The following PPFIA2 variants were observed in gnomAD, a reference collection of about 807,000 sequenced individuals.
PPFIA2 encodes PPFI scaffold protein A2.
PPFIA2 carries 46 observed loss-of-function variants against 175.5 expected under a neutral mutation model. The ratio of observed to expected loss-of-function variants is 0.26; its 90% CI spans 0.21 to 0.34. PPFIA2 has a LOEUF of 0.34. PPFIA2 is among the 10% of genes least tolerant of loss of function. PPFIA2 has a pLI of 1.00. For synonymous variants in PPFIA2, 568 were observed against 511.4 expected, an observed-to-expected ratio of 1.11 and a Z score of -1.49; for missense variants, 1,179 against 1,506.1, an observed-to-expected ratio of 0.78 and a Z score of 3.60.
At chr12:81,395,736 G>A (rs938481480) in intron 8 of PPFIA2, among the ~76,000 whole-genome samples, 4 of 152,022 alleles carry the variant, frequency 2.6e-5, no homozygotes, top group Non-Finnish European at 5.9e-5. Flanking sequence ...AGCTCCCAGA[G>A]ATTACCCAGG....
At position 81,442,131 on chromosome 12, in the gene PPFIA2, C is replaced by T. The variant is rs1045210555; in HGVS notation, c.571-2085G>A. Among the ~76,000 whole-genome samples, 14 of 151,750 alleles carry T rather than the reference C, an allele frequency of 9.2e-5. 1 individual carries two copies. In the South Asian group the frequency reaches 1.5e-3, roughly 16 times the overall value. ...TGAGTTTTTAAGGAGTAAAAGTTAT[C>T]GAATTTATCCAACAATATGAAAATG... is the stretch of plus-strand genomic sequence containing the variant. On this transcript the variant is annotated intron_variant, in intron 6 of 32. Transcript: ENST00000549396.
chr12:81,422,070 G>GTGTGTGTATATATATGTGTATATATA (rs1218748853), intron 7 of PPFIA2, among the ~76,000 whole-genome samples: 9 of 144,256 alleles, frequency 6.2e-5, no homozygotes, highest in Non-Finnish European at 1.1e-4. Context: ...ATATACGTGT[G>GTGTGTGTATATATATGTGTATATATA]TGTGTGTATA....
intron 5 of PPFIA2, among the ~76,000 whole-genome samples, chr12:81,454,784 G>T (rs569853605): frequency 1.3e-5 from 2 of 152,174 alleles, no homozygotes; most frequent in African/African-American, 4.8e-5. Flanking sequence ...GCCACAAGTT[G>T]ATCAGAACTT....
chr12:81,703,707 C>T (rs2076770822), intron 3 of PPFIA2, among the ~76,000 whole-genome samples: 1 of 152,030 alleles, frequency 6.6e-6, no homozygotes, highest in Admixed American at 6.6e-5. Flanking sequence ...CTTGGCTACA[C>T]CTCACCTCCA....
intron 9 of PPFIA2, among the ~76,000 whole-genome samples, chr12:81,379,266 G>GA (rs1212905768): frequency 1.3e-5 from 2 of 152,090 alleles, no homozygotes; most frequent in East Asian, 3.9e-4. Flanking sequence ...AAAAAAATGA[G>GA]AAAAAATAAA....
chr12:81,583,053 G>A (rs921193275), intron 4 of PPFIA2, among the ~76,000 whole-genome samples: 25 of 151,628 alleles, frequency 1.6e-4, no homozygotes, highest in African/African-American at 5.1e-4. Flanking sequence ...TTAATATTTC[G>A]TGGCATCTGC....
chr12:81,259,795 G>C (rs1488863319), intron 32 of PPFIA2, 135 bp from the exon 33 acceptor site: 3 of 657,512 alleles, frequency 4.6e-6, no homozygotes, highest in Non-Finnish European at 4.9e-6. Context: ...AAATCATCTA[G>C]GATGTAGCCA....
chr12:81,497,484 C>A (rs1425188176), intron 4 of PPFIA2, among the ~76,000 whole-genome samples: 1 of 150,558 alleles, frequency 6.6e-6, no homozygotes, highest in Non-Finnish European at 1.5e-5. Flanking sequence ...GGGTCTCCTG[C>A]CTTCCCCATG....
chr12:81,663,494 C>T (rs931582895), intron 4 of PPFIA2, among the ~76,000 whole-genome samples: 1 of 152,100 alleles, frequency 6.6e-6, no homozygotes, highest in African/African-American at 2.4e-5. Context: ...GATGGAAGGA[C>T]CTCTTCAAGG....
intron 6 of PPFIA2, 146 bp downstream of exon 6, chr12:81,445,410 C>T: frequency 1.4e-6 from 1 of 693,526 alleles, no homozygotes; most frequent in Admixed American, 3.3e-5. Flanking sequence ...TCCATTTTCA[C>T]TTTTAAAAAA....
intron 4 of PPFIA2, among the ~76,000 whole-genome samples, chr12:81,607,854 A>T (rs947020195): frequency 2.0e-5 from 3 of 151,964 alleles, no homozygotes; most frequent in South Asian, 2.1e-4. Flanking sequence ...GTGAGAATGG[A>T]CATCTTTGTC....
intron 4 of PPFIA2, among the ~76,000 whole-genome samples, chr12:81,628,376 CT>C (rs11304359): frequency 0.18 from 19,934 of 111,418 alleles, 890 homozygotes; most frequent in East Asian, 0.32. Flanking sequence ...TTTCTTTTAC[CT>C]TTTTTTTTTT....
intron 5 of PPFIA2, among the ~76,000 whole-genome samples, chr12:81,451,236 T>C (rs2052513559): frequency 6.6e-6 from 1 of 152,154 alleles, no homozygotes; most frequent in Non-Finnish European, 1.5e-5. Context: ...TTACCATCTT[T>C]TACCCATTAA....
Position 81,275,910 on chromosome 12 carries a change from G to A in PPFIA2, c.3310+1407C>T, listed in dbSNP as rs377589579. On this transcript the variant is annotated intron_variant, in intron 28 of 32. Transcript: ENST00000549396. ...CGCCATTCTCCTGCCTCAGCCTCCC[G>A]AGTAGCTGGGACTACAGGCGCCTGC... is the stretch of plus-strand genomic sequence containing the variant. Among the ~76,000 whole-genome samples the A allele has an allele frequency of 1.2e-3, 178 of 151,270 alleles. 1 individual carries two copies. In the East Asian group the frequency reaches 0.026, roughly 22 times the overall value.
intron 4 of PPFIA2, among the ~76,000 whole-genome samples, chr12:81,477,827 G>T (rs955599330): frequency 6.6e-6 from 1 of 151,780 alleles, no homozygotes; most frequent in Non-Finnish European, 1.5e-5. Flanking sequence ...GAGGATTTTC[G>T]CATTGATGTT....
Position 81,292,932 on chromosome 12 carries a change from G to A in PPFIA2, c.2925+1903C>T, listed in dbSNP as rs537204785. 3 of 151,908 alleles carry A rather than the reference G, an allele frequency of 2.0e-5. No homozygotes were observed. The South Asian group carries it at 6.2e-4, about 32-fold the overall frequency. 9.4% of individuals were successfully genotyped at this position (151,908 alleles called of 1,614,324 possible). A position where few individuals can be genotyped will look rare whatever the true frequency, so the allele number is the denominator to read the frequency against. On this transcript the variant is annotated intron_variant, in intron 24 of 32. Coordinates refer to ENST00000549396, the MANE Select transcript of PPFIA2 (RefSeq NM_003625.5). Reference sequence around the variant, plus strand: ...TAGGAAGAACTTAAAATGGAGTTATGTAAGAATTATATAAGCCTTTTAAAT... The same window carrying A: ...TAGGAAGAACTTAAAATGGAGTTATATAAGAATTATATAAGCCTTTTAAAT...
At chr12:81,518,806 T>C (rs566278386) in intron 4 of PPFIA2, among the ~76,000 whole-genome samples, 15 of 152,174 alleles carry the variant, frequency 9.9e-5, no homozygotes, top group Non-Finnish European at 1.9e-4. Context: ...GGTGAAACTG[T>C]GGCTAGTATG....
Position 81,264,772 on chromosome 12 carries a change from G to A in PPFIA2, c.3556-1382C>T, listed in dbSNP as rs149799251. On this transcript the variant is annotated intron_variant, in intron 30 of 32. Transcript: ENST00000549396. ...GTGTGGTAGCCATTTTGCACATTAA[G>A]AGATGTCCGCTACTCTTCCCAACTG... Among the ~76,000 whole-genome samples, 1,267 of 152,220 alleles carry A rather than the reference G, an allele frequency of 8.3e-3. 7 individuals carry two copies. The highest frequency in any genetic ancestry group is 0.027 in the Middle Eastern group (8 of 294).
At chr12:81,273,891 C>G (rs543097602) in intron 28 of PPFIA2, among the ~76,000 whole-genome samples, 13 of 149,872 alleles carry the variant, frequency 8.7e-5, no homozygotes, top group South Asian at 8.4e-4. Context: ...CCGCCCCCCC[C>G]CAAACCGGTC....
Sources: allele counts gnomAD v4.1 joint callset (sites outside exome capture counted in the v4.1 genomes callset), GRCh38; gene constraint gnomAD v4.1.1; transcripts MANE v1.5; gene names NCBI Gene and HGNC (gene_info 2026-07-23, HGNC 2026-07-21).